KARS1: variants seen among roughly 807,000 people sequenced by gnomAD.
KARS1 encodes lysyl-tRNA synthetase 1, also known as lysine--tRNA ligase.
In KARS1, 50 loss-of-function variants were observed where a neutral mutation model predicts 63.9. That is an observed-to-expected ratio of 0.78 (90% CI 0.62 to 0.99). KARS1 has a LOEUF of 0.99. Ranked by LOEUF, KARS1 falls within the 50% of genes least tolerant of loss-of-function variation. The pLI, the probability that KARS1 is intolerant of heterozygous loss-of-function variation, is 0.00. For missense variants in KARS1, 816 were observed against 754.5 expected (o/e 1.08, Z -0.95); for synonymous variants, 320 against 264.6 (o/e 1.21, Z -2.03).
chr16:75,630,572 A>G, intron 10 of KARS1, 64 bp from the exon 11 acceptor site: 2 of 994,172 alleles, frequency 2.0e-6, no homozygotes, highest in Non-Finnish European at 3.2e-6. Context: ...GTCCCAGCCC[A>G]GACAGAAGAT....
Position 75,631,460 on chromosome 16 carries a change from G to A in KARS1, c.1208C>T (p.Ala403Val), listed in dbSNP as rs1432895576. ...CGTTTCTGGCAGCTTCATCCCCAGG[G>A]CTTTCTCAAGCTCTTCTACCATGTT... ...RINMVEELEK[A>V]LGMKLPETNL... is the part of the protein sequence containing the mutation. Residue 403 changes from alanine to valine, a missense_variant, in exon 9 of 14, where the codon GCC (alanine) becomes GTC (valine). Physicochemically the swap from Ala to Val is moderately conservative, Grantham distance 64 (BLOSUM62 0). Transcript: ENST00000302445. 6.2e-7 allele frequency: 1 copy of A among 1,614,066 alleles called. No individual in the cohort carries two copies. The highest frequency in any genetic ancestry group is 8.5e-7 in the Non-Finnish European group (1 of 1,180,038).
chr16:75,629,563 G>A lies in KARS1; in HGVS notation c.1425-22C>T, dbSNP rs764691719. Reference sequence around the variant, plus strand: ...GTGCCTAGGGACAGGAGACCAAAGAGGAGGCTGAATATAGAGGCCCCTAAT... The same window carrying A: ...GTGCCTAGGGACAGGAGACCAAAGAAGAGGCTGAATATAGAGGCCCCTAAT... On this transcript the variant is annotated intron_variant, in intron 11 of 13. Coordinates refer to ENST00000302445, the MANE Select transcript of KARS1 (RefSeq NM_005548.3). 1.9e-6 allele frequency: 3 copies of A among 1,613,414 alleles called. No individual in the cohort carries two copies. The East Asian group carries it at 6.7e-5, about 36-fold the overall frequency.
rs1456731923 is a variant in KARS1 at position 75,635,715 on chromosome 16, T to C, written c.760A>G (p.Ile254Val). Residue 254 changes from isoleucine (I) to valine (V), a missense_variant, in exon 6 of 14, where the codon ATA becomes GTA. By Grantham distance (29) the Ile-to-Val change is conservative. Transcript: ENST00000302445. The part of the protein sequence containing the change: ...FIIRSKIITY[I>V]RSFLDELGFL... ...CCCAGCTCATCTAAGAAACTTCTTA[T>C]ATATGTGATGATCTTAGAGCGGATG... The C allele has an allele frequency of 6.2e-7, 1 of 1,614,076 alleles. No individual in the cohort carries two copies. The highest frequency in any genetic ancestry group is 1.7e-5 in the Admixed American group (1 of 60,032).
chr16:75,633,781 C>T (rs998048383), intron 7 of KARS1, among the ~76,000 whole-genome samples: 4 of 152,122 alleles, frequency 2.6e-5, no homozygotes, highest in Non-Finnish European at 2.9e-5. Flanking sequence ...CCTCCCAAAG[C>T]GCTGGGATTA....
chr16:75,634,104 AC>A lies in KARS1; in HGVS notation c.915+68del, dbSNP rs1180910494. 4.6e-6 allele frequency: 7 copies of A among 1,521,078 alleles called. No homozygotes were observed. The African/African-American group carries it at 9.6e-5, about 21-fold the overall frequency. 94.2% of individuals were successfully genotyped at this position (1,521,078 alleles called of 1,614,324 possible). A position where few individuals can be genotyped will look rare whatever the true frequency, so the allele number is the denominator to read the frequency against. On this transcript the variant is annotated intron_variant, in intron 7 of 13. Coordinates refer to ENST00000302445, the MANE Select transcript of KARS1 (RefSeq NM_005548.3). ...CTCTGTTCCTCTTATTTCTGACTAT[AC>A]CCATCTAGCCAGTGGTATTCCAGCT...
At chr16:75,645,439 A>G (rs1267150376) in intron 1 of KARS1, among the ~76,000 whole-genome samples, 4 of 152,238 alleles carry the variant, frequency 2.6e-5, no homozygotes, top group African/African-American at 7.2e-5. Flanking sequence ...AAAATGGACA[A>G]TAACTCCTCT....
intron 2 of KARS1, among the ~76,000 whole-genome samples, chr16:75,641,310 C>A (rs1369489124): frequency 6.6e-6 from 1 of 152,116 alleles, no homozygotes; most frequent in East Asian, 1.9e-4. Context: ...TTCCCTGGGG[C>A]CTCAAGGTCA....
rs1228691431 is a variant in KARS1 at position 75,637,756 on chromosome 16, G to A, written c.389-1209C>T. The stretch of plus-strand genomic sequence containing the variant: ...ATCACGGCATTGCACTCCAGCCTGG[G>A]CAATAAGAGCAAAACTCAGTCTCAA... On this transcript the variant is annotated intron_variant, in intron 3 of 13. Coordinates refer to ENST00000302445, the MANE Select transcript of KARS1 (RefSeq NM_005548.3). Among the ~76,000 whole-genome samples the A allele has an allele frequency of 2.8e-5, 4 of 141,768 alleles. No homozygotes were observed. The East Asian group carries it at 8.1e-4, about 29-fold the overall frequency. 93.0% of individuals were successfully genotyped at this position (141,768 alleles called of 152,430 possible). A position where few individuals can be genotyped will look rare whatever the true frequency, so the allele number is the denominator to read the frequency against.
At position 75,634,266 on chromosome 16, in the gene KARS1, G is replaced by C. The variant is rs146955132; in HGVS notation, c.822C>G (p.Ile274Met). The C allele has an allele frequency of 1.8e-4, 289 of 1,613,876 alleles. 1 individual carries two copies. The highest frequency in any genetic ancestry group is 3.3e-5 in the Admixed American group (2 of 59,978). The change falls in exon 7 of 14, where the codon ATC becomes ATG. Residue 274 changes from isoleucine to methionine, a missense_variant. Transcript: ENST00000302445. ...AAGGCTTGGCCACGGCTCCCCCTGGGATGATGTTCATCATGGGAGTTTCAA... is the reference window on the plus strand; with the variant it reads ...AAGGCTTGGCCACGGCTCCCCCTGGCATGATGTTCATCATGGGAGTTTCAA... ...LEIETPMMNI[I>M]PGGAVAKPFI...
intron 7 of KARS1, chr16:75,633,934 G>T: frequency 2.0e-6 from 1 of 492,262 alleles, no homozygotes; most frequent in East Asian, 4.2e-5. Context: ...ACCAAAGTAG[G>T]TAAGGAGTGC....
chr16:75,641,946 A>G (rs2082229724), intron 1 of KARS1, among the ~76,000 whole-genome samples: 1 of 152,104 alleles, frequency 6.6e-6, no homozygotes, highest in South Asian at 2.1e-4. Context: ...AGATGTGAAA[A>G]ATCACTCTCA....
At chr16:75,640,395 T>A (rs1382158987) in intron 2 of KARS1, 46 bp from the exon 3 acceptor site, 1 of 1,594,580 alleles carries the variant, frequency 6.3e-7, no homozygotes, top group South Asian at 1.1e-5. Flanking sequence ...TTGAACCTGG[T>A]CAGACCAGTG....
intron 10 of KARS1, 121 bp from the exon 11 acceptor site, chr16:75,630,629 T>A (rs2082101470): frequency 1.7e-5 from 3 of 180,950 alleles, no homozygotes; most frequent in Admixed American, 1.2e-4. Context: ...TTTATTTATT[T>A]ATTATTATTA....
At position 75,627,966 on chromosome 16, in the gene KARS1, GT is replaced by G. The variant is rs1253005450; in HGVS notation, c.1722del (p.Lys574AsnfsTer9). On this transcript the variant is annotated frameshift_variant, in exon 14 of 14. Coordinates refer to ENST00000302445, the MANE Select transcript of KARS1 (RefSeq NM_005548.3). LOFTEE classifies it high-confidence loss of function. The part of the protein sequence containing the change: ...IKEVLLFPAM[K>X]PEDKKENVAT... ...GCTACATTCTCCTTCTTGTCTTCGG[GT>G]TTCATGGCAGGAAACAGAAGTACTT... 8.1e-6 allele frequency: 13 copies of G among 1,609,952 alleles called. No individual in the cohort carries two copies. In the Admixed American group the frequency reaches 2.2e-4, roughly 27 times the overall value.
At chr16:75,636,944 T>A (rs1253766490) in intron 3 of KARS1, among the ~76,000 whole-genome samples, 2 of 119,050 alleles carry the variant, frequency 1.7e-5, no homozygotes, top group Admixed American at 1.7e-4. Context: ...CCGGCCTGCA[T>A]TTTTTTTTTT....
In KARS1 at chr16:75,647,644, C is replaced by A; in HGVS notation, c.-5G>T. On this transcript the variant is annotated 5_prime_UTR_variant, in exon 1 of 14. Transcript: ENST00000302445. The stretch of plus-strand genomic sequence containing the variant: ...GGCCGCCTGCACGGCCGCCATCTTC[C>A]CGGAGGGCCCGACCCAAAAGTAAGG... The A allele has an allele frequency of 6.2e-7, 1 of 1,613,900 alleles. No individual in the cohort carries two copies. Among genetic ancestry groups the A allele is most frequent in the Non-Finnish European group, 8.5e-7 (1 of 1,179,894 alleles).
chr16:75,629,630 C>T (rs11639581), intron 11 of KARS1, 89 bp from the exon 12 acceptor site: 14 of 1,376,916 alleles, frequency 1.0e-5, no homozygotes, highest in East Asian at 7.3e-5. Flanking sequence ...GACGGAGTCT[C>T]GCTCTGTCAC....
chr16:75,629,337 A>G, intron 12 of KARS1, 78 bp downstream of exon 12: 1 of 1,571,590 alleles, frequency 6.4e-7, no homozygotes, highest in Non-Finnish European at 8.8e-7. Flanking sequence ...AAGAACGTAT[A>G]CGCTGACACA....
chr16:75,639,164 G>A (rs973125113), intron 3 of KARS1, among the ~76,000 whole-genome samples: 5 of 151,368 alleles, frequency 3.3e-5, no homozygotes, highest in Admixed American at 2.6e-4. Flanking sequence ...GCAAGACTTC[G>A]CCTCAAAAAA....
Sources: gnomAD v4.1 joint callset for allele counts (sites outside exome capture counted in the v4.1 genomes callset) on GRCh38, gnomAD v4.1.1 for gene constraint, MANE v1.5 for transcripts, NCBI Gene and HGNC (gene_info 2026-07-23, HGNC 2026-07-21) for gene names.